TRANK1: variants seen among roughly 807,000 people sequenced by gnomAD.
TRANK1 encodes the protein tetratricopeptide repeat and ankyrin repeat containing 1.
TRANK1 carries 198 observed loss-of-function variants against 266.0 expected under a neutral mutation model. The ratio of observed to expected loss-of-function variants is 0.74; its 90% CI spans 0.66 to 0.84. The LOEUF is 0.84. Ranked by LOEUF, TRANK1 falls within the 40% of genes least tolerant of loss-of-function variation. The pLI is 0.00. For synonymous variants in TRANK1, 1,396 were observed against 1,384.1 expected (o/e 1.01, Z -0.19); for missense variants, 3,326 against 3,634.6 (o/e 0.92, Z 2.18).
Position 36,895,695 on chromosome 3 carries a change from G to T in TRANK1, c.497C>A (p.Pro166Gln). ...TATTACAGATTGCCACACTTCTGTT[G>T]GGAATCCAGTTGTGAAAATATGATC... The part of the protein sequence containing the change: ...CFDHIFTTGF[P>Q]TEVWQSVIEK... The change falls in exon 5 of 24, where the codon CCA becomes CAA. Residue 166 changes from proline (P) to glutamine (Q), a missense_variant. Transcript: ENST00000645898. The T allele has an allele frequency of 6.5e-7, 1 of 1,536,506 alleles. No homozygotes were observed. The highest frequency in any genetic ancestry group is 8.7e-7 in the Non-Finnish European group (1 of 1,146,726).
At chr3:36,865,984 G>C in intron 9 of TRANK1, among the ~76,000 whole-genome samples, 2 of 149,828 alleles carry the variant, frequency 1.3e-5, no homozygotes, top group African/African-American at 4.9e-5. Flanking sequence ...CAGAGAGAGA[G>C]AGAAAGAAAG....
intron 13 of TRANK1, among the ~76,000 whole-genome samples, chr3:36,854,080 G>A (rs1035238338): frequency 6.6e-6 from 1 of 152,148 alleles, no homozygotes; most frequent in African/African-American, 2.4e-5. Flanking sequence ...TCAACAACAG[G>A]CTGGGCACGA....
intron 18 of TRANK1, 110 bp downstream of exon 18, chr3:36,842,512 G>T: frequency 1.1e-6 from 1 of 908,322 alleles, no homozygotes; most frequent in Non-Finnish European, 1.8e-6. Context: ...CGTGGCACAA[G>T]CACCATTACG....
At position 36,856,310 on chromosome 3, in the gene TRANK1, C is replaced by A; in HGVS notation, c.3412G>T (p.Asp1138Tyr). The change falls in exon 13 of 24, where the codon GAC (aspartate) becomes TAC (tyrosine). Residue 1138 changes from aspartate to tyrosine, a missense_variant. Coordinates refer to ENST00000645898, the MANE Select transcript of TRANK1 (RefSeq NM_001329998.2). The part of the protein sequence containing the change: ...PGGEEEEEEE[D>Y]EEEEDSIEVE... ...TCAATAGAATCTTCCTCTTCCTCGT[C>A]CTCTTCCTCCTCCTCTTCCTCCCCA... 1 of 1,577,682 alleles carries A rather than the reference C, an allele frequency of 6.3e-7. No homozygotes were observed. Among genetic ancestry groups the A allele is most frequent in the Non-Finnish European group, 8.6e-7 (1 of 1,161,628 alleles).
chr3:36,827,819 T>C lies in TRANK1; in HGVS notation c.*456A>G, dbSNP rs2078648277. On this transcript the variant is annotated 3_prime_UTR_variant, in exon 24 of 24. Coordinates refer to ENST00000645898, the MANE Select transcript of TRANK1 (RefSeq NM_001329998.2). The stretch of plus-strand genomic sequence containing the variant: ...CACCCCTGGGCACATACAGCTCTCA[T>C]AGCACACTTGATGCTGCAGCAGTGT... 1 of 158,552 alleles carries C rather than the reference T, an allele frequency of 6.3e-6. No individual in the cohort carries two copies. The highest frequency in any genetic ancestry group is 2.4e-5 in the African/African-American group (1 of 41,552). The allele number at this position is 158,552 out of a possible 1,614,324, so 9.8% of individuals were successfully genotyped here.
intron 2 of TRANK1, 44 bp from the exon 3 acceptor site, chr3:36,903,319 G>A (rs922436440): frequency 1.6e-5 from 24 of 1,521,534 alleles, no homozygotes; most frequent in Non-Finnish European, 2.1e-5. Flanking sequence ...TGCAAATACA[G>A]AAAACAGTCT....
At chr3:36,922,062 C>G (rs1428273598) in intron 1 of TRANK1, among the ~76,000 whole-genome samples, 1 of 152,130 alleles carries the variant, frequency 6.6e-6, no homozygotes, top group South Asian at 2.1e-4. Context: ...CTGAAGATCA[C>G]TTGAGCCCTG....
At chr3:36,841,549 G>C (rs558203438) in intron 18 of TRANK1, among the ~76,000 whole-genome samples, 1 of 152,248 alleles carries the variant, frequency 6.6e-6, no homozygotes, top group South Asian at 2.1e-4. Context: ...CCCACAAAAG[G>C]TTAAAACTGC....
chr3:36,866,051 A>AG (rs1491018352), intron 9 of TRANK1, among the ~76,000 whole-genome samples: 3 of 143,836 alleles, frequency 2.1e-5, no homozygotes, highest in East Asian at 2.0e-4. Context: ...AGACAGAAAG[A>AG]AAAAGAAAGA....
Position 36,892,250 on chromosome 3 carries a change from T to C in TRANK1, c.727A>G (p.Ile243Val), listed in dbSNP as rs774439089. The C allele has an allele frequency of 1.2e-5, 19 of 1,537,090 alleles. No homozygotes were observed. In the African/African-American group the frequency reaches 1.4e-4, roughly 11 times the overall value. Reference sequence around the variant, plus strand: ...AGGGCATGAAGGGGATACGGTCCTATAGTCTCAACACTTGCACCAATGGAG... The same window carrying C: ...AGGGCATGAAGGGGATACGGTCCTACAGTCTCAACACTTGCACCAATGGAG... Reference protein sequence around the residue: ...LISIGASVETIGPYPLHALMR... With the variant: ...LISIGASVETVGPYPLHALMR... Residue 243 changes from isoleucine (I) to valine (V), a missense_variant, in exon 7 of 24, where the codon ATA becomes GTA. Ile to Val is a conservative substitution (Grantham distance 29). Transcript: ENST00000645898.
At chr3:36,896,319 A>G (rs1575279904) in intron 4 of TRANK1, among the ~76,000 whole-genome samples, 1 of 152,228 alleles carries the variant, frequency 6.6e-6, no homozygotes, top group South Asian at 2.1e-4. Flanking sequence ...TCCTCCAACC[A>G]TATTTCTCAA....
intron 7 of TRANK1, among the ~76,000 whole-genome samples, 172 bp downstream of exon 7, chr3:36,892,030 T>A (rs1390204852): frequency 6.6e-6 from 1 of 152,228 alleles, no homozygotes; most frequent in Non-Finnish European, 1.5e-5. Flanking sequence ...CCAGGAAAGA[T>A]AAAAATGATA....
intron 7 of TRANK1, among the ~76,000 whole-genome samples, chr3:36,891,524 G>A (rs775593215): frequency 1.3e-5 from 2 of 152,162 alleles, no homozygotes; most frequent in Non-Finnish European, 2.9e-5. Context: ...GCCCTTTCTG[G>A]CACTAAACTG....
chr3:36,891,319 G>A (rs2079692033), intron 7 of TRANK1, among the ~76,000 whole-genome samples: 1 of 152,154 alleles, frequency 6.6e-6, no homozygotes. Context: ...CCCCAGCCTG[G>A]GCAATGGAGT....
chr3:36,866,815 G>A (rs572049115), intron 9 of TRANK1, among the ~76,000 whole-genome samples: 1 of 152,264 alleles, frequency 6.6e-6, no homozygotes, highest in South Asian at 2.1e-4. Flanking sequence ...AATGGTGAAA[G>A]GGATCCAGGG....
In TRANK1 at chr3:36,918,503, GAAAGAAAGAAAGAAAGAAAGAAAGAAA is replaced by G. The variant is rs60748232; in HGVS notation, c.24-10076_24-10050del. Among the ~76,000 whole-genome samples the G allele has an allele frequency of 3.0e-3, 116 of 39,240 alleles. 1 individual carries two copies. The highest frequency in any genetic ancestry group is 5.1e-3 in the Admixed American group (16 of 3,150). 25.7% of individuals were successfully genotyped at this position (39,240 alleles called of 152,430 possible). On this transcript the variant is annotated intron_variant, in intron 1 of 23. Coordinates refer to ENST00000645898, the MANE Select transcript of TRANK1 (RefSeq NM_001329998.2). ...AGAAAGAAAGAAAGAAAGAAAGAAAGAAAGAAAGAAAGAAAGAAAGAAAGAAAGAAGGAAGGAAGGAAGGAAGGAAGG... is the reference window on the plus strand; with the variant it reads ...AGAAAGAAAGAAAGAAAGAAAGAAAGGAAGGAAGGAAGGAAGGAAGGAAGG...
At chr3:36,898,671 G>T (rs905139249) in intron 4 of TRANK1, among the ~76,000 whole-genome samples, 1 of 151,920 alleles carries the variant, frequency 6.6e-6, no homozygotes, top group Non-Finnish European at 1.5e-5. Context: ...CCAATATGGC[G>T]AAACCTCATC....
chr3:36,842,101 C>G (rs1399769284), intron 18 of TRANK1, among the ~76,000 whole-genome samples: 1 of 152,146 alleles, frequency 6.6e-6, no homozygotes, highest in Non-Finnish European at 1.5e-5. Context: ...ACAGAGATAA[C>G]ACTTCCTGGA....
chr3:36,905,305 A>G (rs1271887297), intron 2 of TRANK1, among the ~76,000 whole-genome samples: 1 of 152,032 alleles, frequency 6.6e-6, no homozygotes, highest in East Asian at 1.9e-4. Flanking sequence ...AAAAAAAAAA[A>G]AATCCCTGGG....
Sources: gnomAD v4.1 joint callset for allele counts (sites outside exome capture counted in the v4.1 genomes callset) on GRCh38, gnomAD v4.1.1 for gene constraint, MANE v1.5 for transcripts, NCBI Gene and HGNC (gene_info 2026-07-23, HGNC 2026-07-21) for gene names.